The following CDH12 variants were observed in gnomAD, a reference collection of about 807,000 sequenced individuals.
CDH12 encodes cadherin 12.
Under a neutral mutation model 74.1 loss-of-function variants are expected in CDH12, and 41 were observed. That is an observed-to-expected ratio of 0.55 (90% CI 0.43 to 0.72). The LOEUF is 0.72. CDH12 is among the 30% of genes least tolerant of loss of function. The pLI is 0.00. For missense variants in CDH12, 945 were observed against 977.2 expected (o/e 0.97, Z 0.44); for synonymous variants, 399 against 355.0 (o/e 1.12, Z -1.39).
chr5:22,389,648 C>T (rs1742143160), intron 3 of CDH12, among the ~76,000 whole-genome samples: 2 of 119,704 alleles, frequency 1.7e-5, no homozygotes, highest in Non-Finnish European at 3.4e-5. Context: ...AATAAAAAGA[C>T]AATTTTTTTT....
chr5:22,241,440 C>G (rs1390434838), intron 3 of CDH12, among the ~76,000 whole-genome samples: 1 of 151,970 alleles, frequency 6.6e-6, no homozygotes, highest in African/African-American at 2.4e-5. Context: ...TGGTGTCAAT[C>G]AAACATGTTT....
In CDH12 at chr5:21,751,493, C is replaced by T. The variant is rs575685124; in HGVS notation, c.*244G>A. The T allele has an allele frequency of 8.9e-5, 39 of 438,478 alleles. No individual in the cohort carries two copies. Among genetic ancestry groups the T allele is most frequent in the Non-Finnish European group, 1.4e-4 (34 of 244,274 alleles). The allele number at this position is 438,478 out of a possible 1,614,324, so 27.2% of individuals were successfully genotyped here. Reference sequence around the variant, plus strand: ...ATTGTGAAAAAACAAAACAACAAAACAAAGCAAGTACACATTATAGGATGT... The same window carrying T: ...ATTGTGAAAAAACAAAACAACAAAATAAAGCAAGTACACATTATAGGATGT... On this transcript the variant is annotated 3_prime_UTR_variant, in exon 15 of 15. Transcript: ENST00000382254.
In CDH12 at chr5:22,186,979, T is replaced by A. The variant is rs191847256; in HGVS notation, c.-187+25519A>T. 3.5e-3 allele frequency among the ~76,000 whole-genome samples: 535 copies of A among 152,300 alleles called. 6 individuals are homozygous for A. Among genetic ancestry groups the A allele is most frequent in the African/African-American group, 0.012 (515 of 41,570 alleles). ...ATACTTAAAGTACAGTTTTAGGGAT[T>A]GAACCTAAACTTCAAGTTTAAATGT... On this transcript the variant is annotated intron_variant, in intron 4 of 14. Coordinates refer to ENST00000382254, the MANE Select transcript of CDH12 (RefSeq NM_004061.5).
In CDH12 at chr5:22,247,692, G is replaced by GAAAAT. The variant is rs1753000648; in HGVS notation, c.-332-35050_-332-35049insATTTT. Among the ~76,000 whole-genome samples, 4 of 151,656 alleles carry GAAAAT rather than the reference G, an allele frequency of 2.6e-5. No individual in the cohort carries two copies. The East Asian group carries it at 7.8e-4, about 30-fold the overall frequency. On this transcript the variant is annotated intron_variant, in intron 3 of 14. Transcript: ENST00000382254. ...TCCGTCAAAAAAAAAGAAAAGAAAA[G>GAAAAT]AAAAGTATTTGGTAACTTTGAGTTA...
chr5:21,799,846 C>A (rs115777267), intron 10 of CDH12, among the ~76,000 whole-genome samples: 1 of 152,226 alleles, frequency 6.6e-6, no homozygotes, highest in Admixed American at 6.5e-5. Flanking sequence ...GAGAGTGTGA[C>A]CACTGCACAT....
intron 3 of CDH12, among the ~76,000 whole-genome samples, chr5:22,228,437 C>T (rs1305980040): frequency 1.3e-5 from 2 of 152,032 alleles, no homozygotes; most frequent in African/African-American, 4.8e-5. Context: ...ACTATGTTAA[C>T]ATTTAGTAGT....
chr5:22,666,222 T>G (rs558311967), intron 1 of CDH12, among the ~76,000 whole-genome samples: 2 of 152,060 alleles, frequency 1.3e-5, no homozygotes, highest in Non-Finnish European at 2.9e-5. Context: ...GTCTAATCTA[T>G]TCTCACAGTC....
chr5:22,476,053 C>T (rs1167310443), intron 2 of CDH12, among the ~76,000 whole-genome samples: 2 of 151,908 alleles, frequency 1.3e-5, no homozygotes, highest in Admixed American at 6.6e-5. Flanking sequence ...CAAATTATTC[C>T]TCCCTTCATG....
In CDH12 at chr5:21,967,341, C is replaced by T. The variant is rs568616790; in HGVS notation, c.526+7750G>A. ...TAGAGCAAACAAGGAAAAATAGTCCCGCAGCTGGAAGGCAACTTTAAAGAA... is the reference window on the plus strand; with the variant it reads ...TAGAGCAAACAAGGAAAAATAGTCCTGCAGCTGGAAGGCAACTTTAAAGAA... On this transcript the variant is annotated intron_variant, in intron 6 of 14. Transcript: ENST00000382254. Among the ~76,000 whole-genome samples, 44 of 152,168 alleles carry T rather than the reference C, an allele frequency of 2.9e-4. No homozygotes were observed. The South Asian group carries it at 4.2e-3, about 14-fold the overall frequency.
At chr5:21,872,783 G>GATCGATCTATCTATCT (rs1226388865) in intron 6 of CDH12, among the ~76,000 whole-genome samples, 2 of 142,024 alleles carry the variant, frequency 1.4e-5, no homozygotes, top group Non-Finnish European at 3.1e-5. Flanking sequence ...TTAAGAGTAA[G>GATCGATCTATCTATCT]ATCTATCTAT....
At chr5:22,148,087 C>T (rs1038646986) in intron 4 of CDH12, among the ~76,000 whole-genome samples, 2 of 152,142 alleles carry the variant, frequency 1.3e-5, no homozygotes, top group African/African-American at 4.8e-5. Flanking sequence ...GGACTGTGTT[C>T]CTGTACAGCG....
At chr5:21,935,033 A>G (rs946138785) in intron 6 of CDH12, among the ~76,000 whole-genome samples, 9 of 151,950 alleles carry the variant, frequency 5.9e-5, no homozygotes, top group Admixed American at 2.0e-4. Flanking sequence ...TGATCCGCCC[A>G]CCTCGGCCTC....
intron 6 of CDH12, among the ~76,000 whole-genome samples, chr5:21,971,619 A>G (rs1241695954): frequency 1.3e-5 from 2 of 152,148 alleles, no homozygotes; most frequent in Non-Finnish European, 2.9e-5. Flanking sequence ...TTAACACTCT[A>G]AACCTGTCAG....
intron 5 of CDH12, among the ~76,000 whole-genome samples, chr5:22,054,592 C>A (rs2150197822): frequency 6.6e-6 from 1 of 152,132 alleles, no homozygotes; most frequent in Middle Eastern, 3.4e-3. Context: ...CTGCCCATGT[C>A]TTAGCTTATA....
chr5:21,832,378 T>C (rs1192615900), intron 8 of CDH12, among the ~76,000 whole-genome samples: 1 of 152,100 alleles, frequency 6.6e-6, no homozygotes, highest in Admixed American at 6.6e-5. Context: ...TTTATATGCC[T>C]ACATCAGCCT....
intron 1 of CDH12, among the ~76,000 whole-genome samples, chr5:22,625,864 C>A (rs1738263105): frequency 6.6e-6 from 1 of 152,144 alleles, no homozygotes; most frequent in South Asian, 2.1e-4. Flanking sequence ...ATCCCCCCCA[C>A]AGTAGCCTTC....
intron 2 of CDH12, among the ~76,000 whole-genome samples, chr5:22,496,297 A>C (rs993140293): frequency 5.3e-5 from 8 of 152,138 alleles, no homozygotes; most frequent in African/African-American, 1.7e-4. Flanking sequence ...ATGGTGAATT[A>C]CCCATTTAAT....
intron 1 of CDH12, among the ~76,000 whole-genome samples, chr5:22,834,412 T>C (rs117603001): frequency 6.6e-6 from 1 of 152,292 alleles, no homozygotes; most frequent in East Asian, 1.9e-4. Flanking sequence ...GGTTTGCAAG[T>C]AGAGTTCTCC....
intron 3 of CDH12, among the ~76,000 whole-genome samples, chr5:22,330,553 C>T (rs897255771): frequency 6.6e-6 from 1 of 151,934 alleles, no homozygotes; most frequent in African/African-American, 2.4e-5. Flanking sequence ...GAGATCAAGA[C>T]AATCCTGGCT....
Sources: gnomAD v4.1 joint callset for allele counts (sites outside exome capture counted in the v4.1 genomes callset) on GRCh38, gnomAD v4.1.1 for gene constraint, MANE v1.5 for transcripts, NCBI Gene and HGNC (gene_info 2026-07-23, HGNC 2026-07-21) for gene names.